Variants in PDIA6 observed in about 807,000 individuals in gnomAD.
PDIA6 encodes the protein protein disulfide isomerase family A member 6, also known as protein disulfide-isomerase A6.
PDIA6 carries 29 observed loss-of-function variants against 58.4 expected under a neutral mutation model. That is an observed-to-expected ratio of 0.50 (90% CI 0.37 to 0.68). The LOEUF (loss-of-function observed/expected upper bound fraction) is 0.68. Ranked by LOEUF, PDIA6 falls within the 30% of genes least tolerant of loss-of-function variation. PDIA6 has a pLI of 0.00. For synonymous variants in PDIA6, 192 were observed against 202.6 expected, an observed-to-expected ratio of 0.95 and a Z score of 0.44; for missense variants, 480 against 551.0, an observed-to-expected ratio of 0.87 and a Z score of 1.29.
chr2:10,833,497 C>T (rs1260053913), upstream of PDIA6, among the ~76,000 whole-genome samples: 2 of 152,132 alleles, frequency 1.3e-5, no homozygotes, highest in African/African-American at 2.4e-5. Context: ...GGGGAGTGGC[C>T]CCCAGAACCT....
chr2:10,834,728 T>TCCCC (rs1667790394), upstream of PDIA6, among the ~76,000 whole-genome samples: 1 of 19,878 alleles, frequency 5.0e-5, no homozygotes, highest in African/African-American at 1.3e-4. Context: ...CCTCCCTTCC[T>TCCCC]TCCCTCCTTC....
intron 7 of PDIA6, among the ~76,000 whole-genome samples, 199 bp from the exon 8 acceptor site, chr2:10,790,088 C>T (rs1665963773): frequency 6.6e-6 from 1 of 151,750 alleles, no homozygotes; most frequent in Admixed American, 6.6e-5. Flanking sequence ...AAGCAATTCT[C>T]CTACTTCAGC....
intron 1 of PDIA6, among the ~76,000 whole-genome samples, chr2:10,806,628 C>CAAGAAAGAAAGAAA (rs142782761): frequency 5.7e-5 from 4 of 70,424 alleles, no homozygotes; most frequent in Non-Finnish European, 1.6e-4. Context: ...AAAATAAAGA[C>CAAGAAAGAAAGAAA]AGAAAGAAAG....
intron 1 of PDIA6, among the ~76,000 whole-genome samples, chr2:10,812,412 G>A (rs1218091012): frequency 6.6e-6 from 1 of 151,304 alleles, no homozygotes; most frequent in African/African-American, 2.4e-5. Flanking sequence ...GCCCGGCCCT[G>A]GACCCCGCGC....
In PDIA6 at chr2:10,810,516, T is replaced by C. The variant is rs374828174; in HGVS notation, c.19+2162A>G. ...TTTACTGACAGTATTAAGATAGACT[T>C]GGGTTATTCTTTTTTCTAGTAATGG... On this transcript the variant is annotated intron_variant, in intron 1 of 12. Coordinates refer to ENST00000272227, the MANE Select transcript of PDIA6 (RefSeq NM_005742.4). The C allele has an allele frequency of 1.2e-4, 143 of 1,149,864 alleles. 4 individuals are homozygous for C. The East Asian group carries it at 1.5e-3, about 12-fold the overall frequency. 71.2% of individuals were successfully genotyped at this position (1,149,864 alleles called of 1,614,324 possible). A position where few individuals can be genotyped will look rare whatever the true frequency, so the allele number is the denominator to read the frequency against.
chr2:10,785,911 A>G (rs1035636318), intron 11 of PDIA6, among the ~76,000 whole-genome samples: 1 of 152,130 alleles, frequency 6.6e-6, no homozygotes, highest in Admixed American at 6.5e-5. Context: ...ATAAGGTCTC[A>G]CCGTGGTGGC....
intron 4 of PDIA6, among the ~76,000 whole-genome samples, chr2:10,794,477 T>C (rs1666181346): frequency 7.1e-6 from 1 of 140,302 alleles, no homozygotes; most frequent in Admixed American, 6.8e-5. Flanking sequence ...TCTTTTTTTT[T>C]TTTTTTTTTT....
upstream of PDIA6, among the ~76,000 whole-genome samples, chr2:10,835,334 C>T (rs1180733746): frequency 6.6e-6 from 1 of 151,908 alleles, no homozygotes; most frequent in South Asian, 2.1e-4. Context: ...CCCCGGCAGT[C>T]GGGCTCCGGA....
upstream of PDIA6, among the ~76,000 whole-genome samples, chr2:10,834,633 C>G (rs1396595542): frequency 6.6e-6 from 1 of 151,288 alleles, no homozygotes; most frequent in Non-Finnish European, 1.5e-5. Context: ...AGAGGCAGGT[C>G]TCCTCCCTTC....
chr2:10,831,858 T>C (rs552008241), intron 1 of PDIA6, among the ~76,000 whole-genome samples: 25 of 151,188 alleles, frequency 1.7e-4, no homozygotes, highest in African/African-American at 5.6e-4. Context: ...AGTCATGGGG[T>C]GTGAATGTCC....
chr2:10,833,071 C>T (rs998464014), upstream of PDIA6, among the ~76,000 whole-genome samples: 2 of 152,088 alleles, frequency 1.3e-5, no homozygotes, highest in African/African-American at 4.8e-5. Flanking sequence ...GGCCAGGAGT[C>T]CCCATTTCCC....
intron 1 of PDIA6, among the ~76,000 whole-genome samples, chr2:10,822,307 G>A (rs957490071): frequency 4.6e-5 from 7 of 152,014 alleles, no homozygotes; most frequent in Non-Finnish European, 8.8e-5. Flanking sequence ...GTGTTGCCCA[G>A]GCTGGAGTGC....
chr2:10,787,493 T>A, intron 10 of PDIA6, 54 bp from the exon 11 acceptor site: 1 of 1,515,656 alleles, frequency 6.6e-7, no homozygotes, highest in Non-Finnish European at 9.0e-7. Flanking sequence ...TTGCTTACGA[T>A]CTAACTAGAA....
chr2:10,784,987 C>G lies in PDIA6; in HGVS notation c.1201G>C (p.Gly401Arg), dbSNP rs368202472. ...GRGSTAPVGG[G>R]AFPTIVEREP... is the part of the protein sequence containing the mutation. Reference sequence around the variant, plus strand: ...CTCTCAACGATGGTAGGGAAAGCCCCGCCTCCTACAGGTGCCGTGGAGCCA... The same window carrying G: ...CTCTCAACGATGGTAGGGAAAGCCCGGCCTCCTACAGGTGCCGTGGAGCCA... The change falls in exon 12 of 13, where the codon GGG (glycine) becomes CGG (arginine). Residue 401 changes from glycine to arginine, a missense_variant. Coordinates refer to ENST00000272227, the MANE Select transcript of PDIA6 (RefSeq NM_005742.4). 1.4e-5 allele frequency: 22 copies of G among 1,589,818 alleles called. No individual in the cohort carries two copies. Among genetic ancestry groups the G allele is most frequent in the Non-Finnish European group, 1.8e-5 (21 of 1,166,882 alleles).
upstream of PDIA6, among the ~76,000 whole-genome samples, chr2:10,834,646 T>C (rs1456118276): frequency 2.0e-5 from 3 of 151,390 alleles, no homozygotes; most frequent in East Asian, 5.9e-4. Context: ...CTCCCTTCCC[T>C]GCCTCAGACA....
chr2:10,786,083 G>A (rs924847258), intron 11 of PDIA6, among the ~76,000 whole-genome samples: 4 of 152,144 alleles, frequency 2.6e-5, no homozygotes, highest in African/African-American at 7.2e-5. Context: ...AGCATTTTGG[G>A]AGGCTGAGGT....
chr2:10,790,806 A>C lies in PDIA6; in HGVS notation c.612T>G (p.Ala204=). 6.2e-7 allele frequency: 1 copy of C among 1,614,040 alleles called. No homozygotes were observed. Among genetic ancestry groups the C allele is most frequent in the Non-Finnish European group, 8.5e-7 (1 of 1,179,900 alleles). Residue 204 remains alanine (A), a synonymous_variant, in exon 7 of 13, where the codon GCT becomes GCG. Coordinates refer to ENST00000272227, the MANE Select transcript of PDIA6 (RefSeq NM_005742.4). ...KNLEPEWAAA[A]SEVKEQTKGK... ...CTTTCGTCTGCTCTTTTACTTCTGA[A>C]GCTGCGGCAGCCCACTCTGGCTCTA... is the stretch of plus-strand genomic sequence containing the variant.
chr2:10,806,467 A>AC (rs1666752147), intron 1 of PDIA6, among the ~76,000 whole-genome samples: 1 of 150,574 alleles, frequency 6.6e-6, no homozygotes. Flanking sequence ...TTAAAAAAAA[A>AC]AAATTAAGTT....
chr2:10,795,505 G>A (rs1387581941), intron 4 of PDIA6, among the ~76,000 whole-genome samples: 2 of 152,058 alleles, frequency 1.3e-5, no homozygotes, highest in East Asian at 3.9e-4. Context: ...AGACGAAGAC[G>A]AAGATGAGCC....
Sources: gnomAD v4.1 joint callset for allele counts (sites outside exome capture counted in the v4.1 genomes callset) on GRCh38, gnomAD v4.1.1 for gene constraint, MANE v1.5 for transcripts, NCBI Gene and HGNC (gene_info 2026-07-23, HGNC 2026-07-21) for gene names.